Variants in ATP6V0A1 observed in about 807,000 individuals in gnomAD.
ATP6V0A1 encodes the protein V-type proton ATPase 116 kDa subunit a 1.
In ATP6V0A1, 43 loss-of-function variants were observed where a neutral mutation model predicts 105.4. That is an observed-to-expected ratio of 0.41 (90% CI 0.32 to 0.53). The LOEUF is 0.53. Ranked by LOEUF, ATP6V0A1 falls within the 20% of genes least tolerant of loss-of-function variation. The probability of loss-of-function intolerance (pLI) is 0.30; values close to 1 mark genes in which losing one functional copy is unlikely to be tolerated. For synonymous variants in ATP6V0A1, 362 were observed against 372.8 expected (o/e 0.97, Z 0.33); for missense variants, 676 against 1,051.1 (o/e 0.64, Z 4.93).
chr17:42,490,870 AT>A (rs1008548963), intron 11 of ATP6V0A1, among the ~76,000 whole-genome samples: 9 of 150,876 alleles, frequency 6.0e-5, no homozygotes, highest in Admixed American at 2.0e-4. Flanking sequence ...TTATTTTATG[AT>A]TTTTTTTTGA....
At position 42,492,599 on chromosome 17, in the gene ATP6V0A1, G is replaced by A. The variant is rs147882440; in HGVS notation, c.1175-1735G>A. Among the ~76,000 whole-genome samples the A allele has an allele frequency of 4.5e-3, 676 of 150,816 alleles. 6 individuals are homozygous for A. The highest frequency in any genetic ancestry group is 0.016 in the African/African-American group (641 of 40,992). On this transcript the variant is annotated intron_variant, in intron 11 of 21. Transcript: ENST00000343619. ...CTCTTGCCTGTAATCTCAGCGACTC[G>A]GGAGGCTGAGGCAGGAGAATCACTT...
intron 19 of ATP6V0A1, among the ~76,000 whole-genome samples, chr17:42,512,972 G>T (rs1179118286): frequency 6.6e-6 from 1 of 152,202 alleles, no homozygotes; most frequent in Non-Finnish European, 1.5e-5. Flanking sequence ...GAAAGTACCT[G>T]GGGCTTCCAG....
chr17:42,479,890 C>A (rs2089277731), intron 7 of ATP6V0A1, among the ~76,000 whole-genome samples: 1 of 152,168 alleles, frequency 6.6e-6, no homozygotes, highest in Non-Finnish European at 1.5e-5. Flanking sequence ...AATGGGGACC[C>A]TGGATATCTG....
chr17:42,479,353 G>A lies in ATP6V0A1; in HGVS notation c.633+764G>A, dbSNP rs375743270. Among the ~76,000 whole-genome samples, 17 of 152,274 alleles carry A rather than the reference G, an allele frequency of 1.1e-4. No homozygotes were observed. The East Asian group carries it at 1.9e-3, about 17-fold the overall frequency. On this transcript the variant is annotated intron_variant, in intron 7 of 21. Coordinates refer to ENST00000343619, the MANE Select transcript of ATP6V0A1 (RefSeq NM_001130021.3). ...GAAACTTAGTTTAAGAATAGATATCGCACAAAATAGGATGATCTTCCCCAC... is the reference window on the plus strand; with the variant it reads ...GAAACTTAGTTTAAGAATAGATATCACACAAAATAGGATGATCTTCCCCAC...
intron 19 of ATP6V0A1, among the ~76,000 whole-genome samples, chr17:42,513,287 G>A (rs903128271): frequency 6.6e-6 from 1 of 152,084 alleles, no homozygotes; most frequent in African/African-American, 2.4e-5. Flanking sequence ...AAAATTCACC[G>A]TGTAATCTCT....
intron 14 of ATP6V0A1, among the ~76,000 whole-genome samples, chr17:42,497,968 G>A (rs1366380208): frequency 1.3e-5 from 2 of 151,430 alleles, no homozygotes; most frequent in Admixed American, 6.6e-5. Context: ...CTTACTGGCC[G>A]GGCGCAGTGA....
intron 11 of ATP6V0A1, among the ~76,000 whole-genome samples, chr17:42,492,526 G>C (rs887038323): frequency 6.0e-5 from 9 of 151,040 alleles, no homozygotes; most frequent in Admixed American, 6.6e-5. Context: ...GACCAACATG[G>C]AGAAACCCCG....
intron 17 of ATP6V0A1, among the ~76,000 whole-genome samples, chr17:42,501,537 C>T (rs112870900): frequency 1.3e-5 from 2 of 152,076 alleles, no homozygotes; most frequent in East Asian, 1.9e-4. Flanking sequence ...GCCTCAGCCT[C>T]CTGTGTCACT....
chr17:42,496,061 CAAA>C (rs11352520), intron 14 of ATP6V0A1: 17 of 97,220 alleles, frequency 1.7e-4, no homozygotes, highest in South Asian at 6.6e-4. Flanking sequence ...GACTCCGTCT[CAAA>C]AAAAAAAAAA....
chr17:42,487,261 C>T lies in ATP6V0A1; in HGVS notation c.917C>T (p.Thr306Ile). The change falls in exon 10 of 22, where the codon ACC becomes ATC. Residue 306 changes from threonine to isoleucine, a missense_variant. Thr to Ile is a moderately conservative substitution (Grantham distance 89). Coordinates refer to ENST00000343619, the MANE Select transcript of ATP6V0A1 (RefSeq NM_001130021.3). ...KVRKMKAIYH[T>I]LNLCNIDVTQ... ...CGGAAGATGAAGGCCATCTATCACA[C>T]CCTGAACCTGTGCAACATAGATGTG... 6.2e-7 allele frequency: 1 copy of T among 1,614,196 alleles called. No homozygotes were observed. The highest frequency in any genetic ancestry group is 8.5e-7 in the Non-Finnish European group (1 of 1,180,030).
intron 21 of ATP6V0A1, among the ~76,000 whole-genome samples, chr17:42,516,035 C>T (rs143255724): frequency 6.6e-6 from 1 of 152,256 alleles, no homozygotes; most frequent in African/African-American, 2.4e-5. Context: ...CAGAGGAGCA[C>T]TCACACACTT....
intron 21 of ATP6V0A1, among the ~76,000 whole-genome samples, chr17:42,517,645 CA>C (rs1354911371): frequency 6.6e-6 from 1 of 152,186 alleles, no homozygotes; most frequent in Non-Finnish European, 1.5e-5. Flanking sequence ...CCCCTCCTGG[CA>C]AAATGCGGCT....
intron 5 of ATP6V0A1, among the ~76,000 whole-genome samples, chr17:42,474,476 G>A (rs2088457232): frequency 6.6e-6 from 1 of 152,122 alleles, no homozygotes; most frequent in South Asian, 2.1e-4. Flanking sequence ...TGCCTTGCCT[G>A]TTCTTGCACT....
At chr17:42,466,856 G>A (rs2087134518) in intron 3 of ATP6V0A1, among the ~76,000 whole-genome samples, 1 of 152,034 alleles carries the variant, frequency 6.6e-6, no homozygotes, top group Non-Finnish European at 1.5e-5. Context: ...TATTTAAGAG[G>A]GAAGAAACTG....
chr17:42,477,122 G>T (rs983771572), intron 5 of ATP6V0A1, among the ~76,000 whole-genome samples: 10 of 152,178 alleles, frequency 6.6e-5, no homozygotes, highest in Non-Finnish European at 1.2e-4. Context: ...AAAGACAGTG[G>T]CAGTGCCTTG....
chr17:42,495,189 G>A lies in ATP6V0A1; in HGVS notation c.1469+1G>A, dbSNP rs761850833. 2.5e-6 allele frequency: 4 copies of A among 1,612,954 alleles called. No individual in the cohort carries two copies. The Admixed American group carries it at 5.0e-5, about 20-fold the overall frequency. Reference sequence around the variant, plus strand: ...GGCCGATGTTTACTTATAATTGGACGTAAGTTGCAGAAGAAGCTAAAATTC... The same window carrying A: ...GGCCGATGTTTACTTATAATTGGACATAAGTTGCAGAAGAAGCTAAAATTC... On this transcript the variant is annotated splice_donor_variant, in intron 13 of 21. Transcript: ENST00000343619. LOFTEE classifies it high-confidence loss of function.
intron 8 of ATP6V0A1, among the ~76,000 whole-genome samples, chr17:42,481,777 G>T (rs1465734075): frequency 6.6e-6 from 1 of 152,132 alleles, no homozygotes; most frequent in Non-Finnish European, 1.5e-5. Flanking sequence ...ATATTATTCT[G>T]GGACAGTGAG....
chr17:42,491,086 T>G (rs1461015660), intron 11 of ATP6V0A1, among the ~76,000 whole-genome samples: 2 of 151,850 alleles, frequency 1.3e-5, no homozygotes, highest in Non-Finnish European at 2.9e-5. Context: ...AATTTTTAAT[T>G]TTTTTTAGAG....
At position 42,500,861 on chromosome 17, in the gene ATP6V0A1, T is replaced by A. The variant is rs145633304; in HGVS notation, c.1834T>A (p.Phe612Ile). The A allele has an allele frequency of 2.5e-6, 4 of 1,614,082 alleles. No individual in the cohort carries two copies. The African/African-American group carries it at 5.3e-5, about 22-fold the overall frequency. Reference protein sequence around the residue: ...SENAPSLLIHFINMFLFSYPE... With the variant: ...SENAPSLLIHIINMFLFSYPE... ...GAATGCACCAAGCCTTCTGATCCAT[T>A]TCATAAACATGTTCCTCTTTTCCTA... The change falls in exon 16 of 22, where the codon TTC (phenylalanine) becomes ATC (isoleucine). Residue 612 changes from phenylalanine to isoleucine, a missense_variant. Physicochemically the swap from Phe to Ile is conservative, Grantham distance 21. This residue lies in a region of ATP6V0A1 where 435 missense variants were observed against 642.2 expected (regional missense o/e 0.68). Coordinates refer to ENST00000343619, the MANE Select transcript of ATP6V0A1 (RefSeq NM_001130021.3).
Sources: gnomAD v4.1 joint callset for allele counts (sites outside exome capture counted in the v4.1 genomes callset) on GRCh38, gnomAD v4.1.1 for gene constraint, gnomAD v4.1.1 regional missense constraint, MANE v1.5 for transcripts, NCBI Gene and HGNC (gene_info 2026-07-23, HGNC 2026-07-21) for gene names.